The following TTC22 variants were observed in gnomAD, a reference collection of about 807,000 sequenced individuals.
TTC22 encodes tetratricopeptide repeat domain 22.
TTC22 carries 42 observed loss-of-function variants against 48.2 expected under a neutral mutation model. The observed-to-expected ratio is 0.87, with a 90% CI of 0.68 to 1.13. TTC22 has a LOEUF of 1.13. Among genes scored for constraint, TTC22 ranks in the 50% most tolerant of loss-of-function variants. The pLI is 0.00. For missense variants in TTC22, 784 were observed against 807.0 expected, an observed-to-expected ratio of 0.97 and a Z score of 0.34; for synonymous variants, 345 against 365.5, an observed-to-expected ratio of 0.94 and a Z score of 0.64.
intron 5 of TTC22, chr1:54,785,475 G>T: frequency 2.4e-6 from 1 of 413,224 alleles, no homozygotes; most frequent in East Asian, 8.2e-5. Flanking sequence ...AATTGTAGAA[G>T]GGATTCCTGC....
Position 54,788,267 on chromosome 1 carries a change from C to G in TTC22, c.568-170G>C, listed in dbSNP as rs549388801. ...GTTCTGCCCCTGACTGGCTGGGTGG[C>G]CTTGGGCAAGTCACTTCACTTCTCT... On this transcript the variant is annotated intron_variant, in intron 1 of 6. Transcript: ENST00000371276. Among the ~76,000 whole-genome samples the G allele has an allele frequency of 2.0e-5, 3 of 152,268 alleles. 1 individual carries two copies. The South Asian group carries it at 6.2e-4, about 32-fold the overall frequency.
Position 54,786,079 on chromosome 1 carries a change from C to T in TTC22, c.924G>A (p.Leu308=), listed in dbSNP as rs747433157. 9.0e-5 allele frequency: 145 copies of T among 1,613,994 alleles called. No homozygotes were observed. Among genetic ancestry groups the T allele is most frequent in the Non-Finnish European group, 1.2e-4 (138 of 1,180,008 alleles). ...TTCCAATGGCCATATCCTGCTTTCC[C>T]AGGAAGTAGAAGATTTTTGCCAGGC... ...LNRLAKIFYF[L]GKQDMAIGTC... is the part of the protein sequence containing the mutation. Residue 308 remains leucine (L), a synonymous_variant, in exon 5 of 7, where the codon CTG becomes CTA. Transcript: ENST00000371276.
rs139005810 is a variant in TTC22, at chr1:54,790,588, C to T, written c.568-2491G>A. 4.6e-4 allele frequency among the ~76,000 whole-genome samples: 70 copies of T among 152,296 alleles called. 1 individual carries two copies. The highest frequency in any genetic ancestry group is 1.6e-3 in the African/African-American group (67 of 41,552). ...GAGAAGTGGGGAACACTTCCCAAAG[C>T]AAAAGGCAGGGATAGGACTCTGGAT... On this transcript the variant is annotated intron_variant, in intron 1 of 6. Transcript: ENST00000371276.
At position 54,800,823 on chromosome 1, in the gene TTC22, C is replaced by T. The variant is rs1646430299; in HGVS notation, c.341G>A (p.Gly114Asp). Residue 114 changes from glycine (G) to aspartate (D), a missense_variant, in exon 1 of 7, where the codon GGC becomes GAC. Physicochemically the swap from Gly to Asp is moderately conservative, Grantham distance 94. Transcript: ENST00000371276. ...GCACGCCTCCTCCTCTTCTTCCTGGCCCAGCCGCCCGTACACGTGTGCCAG... is the reference window on the plus strand; with the variant it reads ...GCACGCCTCCTCCTCTTCTTCCTGGTCCAGCCGCCCGTACACGTGTGCCAG... ...ANLAHVYGRL[G>D]QEEEEEACAA... 1.3e-6 allele frequency: 2 copies of T among 1,597,252 alleles called. No homozygotes were observed. The highest frequency in any genetic ancestry group is 2.3e-5 in the East Asian group (1 of 43,910).
chr1:54,788,182 A>T, intron 1 of TTC22, 85 bp from the exon 2 acceptor site: 5 of 1,320,246 alleles, frequency 3.8e-6, no homozygotes, highest in Non-Finnish European at 4.4e-6. Context: ...CTGAACCCCA[A>T]GAGGCAGCAG....
intron 1 of TTC22, among the ~76,000 whole-genome samples, chr1:54,788,764 C>T (rs529579501): frequency 1.3e-5 from 2 of 152,300 alleles, no homozygotes; most frequent in South Asian, 4.1e-4. Context: ...GTACTTGCCA[C>T]CCCGACTGTG....
chr1:54,793,378 T>G (rs1166482417), intron 1 of TTC22, among the ~76,000 whole-genome samples: 1 of 152,130 alleles, frequency 6.6e-6, no homozygotes, highest in Non-Finnish European at 1.5e-5. Flanking sequence ...TTTCCTCATA[T>G]TAGGGATGGG....
At position 54,780,052 on chromosome 1, in the gene TTC22, G is replaced by A. The variant is rs959548273; in HGVS notation, c.*1191C>T. 2.6e-5 allele frequency: 4 copies of A among 152,308 alleles called. No homozygotes were observed. The highest frequency in any genetic ancestry group is 1.3e-4 in the Admixed American group (2 of 15,290). 9.4% of individuals were successfully genotyped at this position (152,308 alleles called of 1,614,324 possible). A position where few individuals can be genotyped will look rare whatever the true frequency, so the allele number is the denominator to read the frequency against. On this transcript the variant is annotated 3_prime_UTR_variant, in exon 7 of 7. Coordinates refer to ENST00000371276, the MANE Select transcript of TTC22 (RefSeq NM_001114108.2). ...GAGAATCACTTGAACTTGGGAGGCT[G>A]AGGTTTCAGTGAGCTGAGATCTGGC...
intron 1 of TTC22, among the ~76,000 whole-genome samples, chr1:54,796,322 CTTTG>C (rs1237079243): frequency 6.6e-6 from 1 of 152,242 alleles, no homozygotes; most frequent in Non-Finnish European, 1.5e-5. Flanking sequence ...ATGCCCACAC[CTTTG>C]TTTGTGAGGC....
chr1:54,782,602 G>A (rs1382924856), intron 5 of TTC22, 125 bp from the exon 6 acceptor site: 1 of 1,071,296 alleles, frequency 9.3e-7, no homozygotes, highest in African/African-American at 1.6e-5. Context: ...GCAGTAGAAA[G>A]ACCCTGAGGC....
chr1:54,793,166 T>C (rs554547292), intron 1 of TTC22: 12 of 152,284 alleles, frequency 7.9e-5, no homozygotes, highest in Non-Finnish European at 1.6e-4. Context: ...GGCCAGCGTG[T>C]GAGTCCAGGT....
chr1:54,781,570 C>T lies in TTC22; in HGVS notation c.1383G>A (p.Leu461=). ...AAACFKRAVE[L]DDAGSSHTDG... is the part of the protein sequence containing the mutation. ...CGGTGTGGCTGGAGCCCGCGTCGTC[C>T]AGCTCCACTGCGCGCTTGAAGCAGG... is the stretch of plus-strand genomic sequence containing the variant. Residue 461 remains leucine, a synonymous_variant, in exon 7 of 7, where the codon CTG becomes CTA. Transcript: ENST00000371276. 1 of 1,523,172 alleles carries T rather than the reference C, an allele frequency of 6.6e-7. No individual in the cohort carries two copies. The highest frequency in any genetic ancestry group is 8.8e-7 in the Non-Finnish European group (1 of 1,142,088). The allele number at this position is 1,523,172 out of a possible 1,614,324, so 94.4% of individuals were successfully genotyped here. A position where few individuals can be genotyped will look rare whatever the true frequency, so the allele number is the denominator to read the frequency against.
At chr1:54,784,939 C>T (rs1646288959) in intron 5 of TTC22, 2 of 370,136 alleles carry the variant, frequency 5.4e-6, no homozygotes, top group Non-Finnish European at 9.3e-6. Context: ...ATGCAGTGGA[C>T]TGCATCAAGA....
At position 54,781,735 on chromosome 1, in the gene TTC22, C is replaced by G. The variant is rs1646264993; in HGVS notation, c.1218G>C (p.Ala406=). 2 of 1,511,130 alleles carry G rather than the reference C, an allele frequency of 1.3e-6. No individual in the cohort carries two copies. Among genetic ancestry groups the G allele is most frequent in the South Asian group, 2.5e-5 (2 of 80,894 alleles). 93.6% of individuals were successfully genotyped at this position (1,511,130 alleles called of 1,614,324 possible). A position where few individuals can be genotyped will look rare whatever the true frequency, so the allele number is the denominator to read the frequency against. Reference sequence around the variant, plus strand: ...CCTGGTTCAGCGCCGCCTCGTCCACCGCCAGCAGCTCCTGCACCGCGTCCA... The same window carrying G: ...CCTGGTTCAGCGCCGCCTCGTCCACGGCCAGCAGCTCCTGCACCGCGTCCA... ...MGVDAVQELL[A]VDEAALNQAL... The change falls in exon 7 of 7, where the codon GCG becomes GCC. Residue 406 remains alanine (A), a synonymous_variant. Coordinates refer to ENST00000371276, the MANE Select transcript of TTC22 (RefSeq NM_001114108.2).
At chr1:54,797,073 T>C (rs865810214) in intron 1 of TTC22, among the ~76,000 whole-genome samples, 1 of 152,320 alleles carries the variant, frequency 6.6e-6, no homozygotes, top group South Asian at 2.1e-4. Context: ...ACAGGAATCA[T>C]GTGAGGTTCA....
chr1:54,795,579 T>A (rs193214628), intron 1 of TTC22, among the ~76,000 whole-genome samples: 23 of 152,310 alleles, frequency 1.5e-4, no homozygotes, highest in Non-Finnish European at 2.8e-4. Context: ...CGGTAGTAGC[T>A]GAGTGGGTCT....
intron 1 of TTC22, among the ~76,000 whole-genome samples, chr1:54,790,851 C>T (rs1201733640): frequency 6.7e-6 from 1 of 150,012 alleles, no homozygotes; most frequent in Non-Finnish European, 1.5e-5. Flanking sequence ...CCGTCCTCCT[C>T]CTCCTCCTTC....
Position 54,801,060 on chromosome 1 carries a change from G to C in TTC22, c.104C>G (p.Pro35Arg), listed in dbSNP as rs756621628. The C allele has an allele frequency of 3.1e-6, 5 of 1,612,522 alleles. No individual in the cohort carries two copies. The highest frequency in any genetic ancestry group is 1.3e-5 in the African/African-American group (1 of 75,034). The change falls in exon 1 of 7, where the codon CCG (proline) becomes CGG (arginine). Residue 35 changes from proline (P) to arginine (R), a missense_variant. Transcript: ENST00000371276. ...FHLEMQLNFE[P>R]RSPAPQRARD... ...GGCGCGCTGTGGGGCCGGCGAGCGC[G>C]GCTCGAAGTTCAACTGCATCTCCAG...
chr1:54,782,761 A>T (rs754742336), intron 5 of TTC22, among the ~76,000 whole-genome samples: 21 of 152,154 alleles, frequency 1.4e-4, no homozygotes, highest in South Asian at 6.2e-4. Context: ...TTGAGTGCCC[A>T]CCATGTGCCA....
Sources: gnomAD v4.1 joint callset for allele counts (sites outside exome capture counted in the v4.1 genomes callset) on GRCh38, gnomAD v4.1.1 for gene constraint, MANE v1.5 for transcripts, NCBI Gene and HGNC (gene_info 2026-07-23, HGNC 2026-07-21) for gene names.